The following SETD5 variants were observed in gnomAD, a reference collection of about 807,000 sequenced individuals.
SETD5 encodes histone-lysine N-methyltransferase SETD5.
SETD5 carries 44 observed loss-of-function variants against 153.3 expected under a neutral mutation model. The observed-to-expected ratio is 0.29, with a 90% CI of 0.23 to 0.37. The LOEUF (loss-of-function observed/expected upper bound fraction) is 0.37, where lower values mean the gene tolerates loss of function less well. SETD5 is among the 10% of genes least tolerant of loss of function. The probability of loss-of-function intolerance (pLI) is 1.00; values close to 1 mark genes in which losing one functional copy is unlikely to be tolerated. For synonymous variants in SETD5, 716 were observed against 645.2 expected (o/e 1.11, Z -1.66); for missense variants, 1,544 against 1,768.0 (o/e 0.87, Z 2.27).
chr3:9,413,254 T>G (rs2036867272), intron 1 of SETD5, among the ~76,000 whole-genome samples: 1 of 152,144 alleles, frequency 6.6e-6, no homozygotes, highest in Admixed American at 6.5e-5. Context: ...GAGGGAAATT[T>G]TAATATTATA....
intron 1 of SETD5, among the ~76,000 whole-genome samples, chr3:9,401,503 GAACTGACTT>G (rs1182895518): frequency 6.6e-6 from 1 of 152,104 alleles, no homozygotes; most frequent in Non-Finnish European, 1.5e-5. Flanking sequence ...TTGTGTCCAG[GAACTGACTT>G]TCTGAAATTA....
chr3:9,448,027 T>C (rs765051167), intron 15 of SETD5, 21 bp downstream of exon 15: 2 of 1,600,750 alleles, frequency 1.2e-6, no homozygotes, highest in African/African-American at 2.7e-5. Flanking sequence ...AATGCATCCT[T>C]TATAAGTCCA....
chr3:9,403,434 G>C (rs1439040213), intron 1 of SETD5, among the ~76,000 whole-genome samples: 1 of 152,050 alleles, frequency 6.6e-6, no homozygotes, highest in Non-Finnish European at 1.5e-5. Context: ...TGTTTATTTG[G>C]GTTGGGATTG....
chr3:9,445,177 T>C lies in SETD5; in HGVS notation c.1317T>C (p.Thr439=), dbSNP rs778772011. ...GCCTACCCACCATTGGAGCAGAGACTAGACGTAGAAAAGCACGACGGAAAG... is the reference window on the plus strand; with the variant it reads ...GCCTACCCACCATTGGAGCAGAGACCAGACGTAGAAAAGCACGACGGAAAG... The part of the protein sequence containing the change: ...PPSLPTIGAE[T]RRRKARRKEL... Residue 439 remains threonine, a synonymous_variant, in exon 12 of 23, where the codon ACT becomes ACC. Transcript: ENST00000402198. 2 of 1,613,962 alleles carry C rather than the reference T, an allele frequency of 1.2e-6. No homozygotes were observed. The highest frequency in any genetic ancestry group is 2.2e-5 in the South Asian group (2 of 91,082).
intron 17 of SETD5, among the ~76,000 whole-genome samples, chr3:9,458,273 T>C (rs2043506044): frequency 6.6e-6 from 1 of 152,082 alleles, no homozygotes; most frequent in African/African-American, 2.4e-5. Flanking sequence ...AACTACTAGG[T>C]CCTTTGCCAA....
At chr3:9,445,801 C>T (rs574431222) in intron 13 of SETD5, 61 bp downstream of exon 13, 15 of 1,166,850 alleles carry the variant, frequency 1.3e-5, no homozygotes, top group South Asian at 7.4e-5. Context: ...TCATGTGAAC[C>T]TCTTCTGTTC....
At chr3:9,445,829 C>G in intron 13 of SETD5, 89 bp downstream of exon 13, 1 of 849,000 alleles carries the variant, frequency 1.2e-6, no homozygotes, top group Non-Finnish European at 1.7e-6. Context: ...TTTGTATCAT[C>G]TCATTGATTT....
At chr3:9,462,419 C>T (rs963983469) in intron 17 of SETD5, among the ~76,000 whole-genome samples, 9 of 151,296 alleles carry the variant, frequency 5.9e-5, no homozygotes, top group African/African-American at 2.2e-4. Context: ...AACCCCGTCT[C>T]TACTAAAAAT....
chr3:9,475,535 G>A lies in SETD5; in HGVS notation c.3773G>A (p.Ser1258Asn), dbSNP rs367569965. The change falls in exon 23 of 23, where the codon AGT (serine) becomes AAT (asparagine). Residue 1258 changes from serine to asparagine, a missense_variant. Coordinates refer to ENST00000402198, the MANE Select transcript of SETD5 (RefSeq NM_001080517.3). ...RTESQSLLQQ[S>N]SSPFRGHPTQ... Reference sequence around the variant, plus strand: ...GAATCACAAAGCCTCCTTCAGCAGAGTTCCTCCCCCTTCAGAGGACATCCT... The same window carrying A: ...GAATCACAAAGCCTCCTTCAGCAGAATTCCTCCCCCTTCAGAGGACATCCT... 76 of 1,613,776 alleles carry A rather than the reference G, an allele frequency of 4.7e-5. No homozygotes were observed. The highest frequency in any genetic ancestry group is 5.7e-5 in the Non-Finnish European group (67 of 1,179,890).
intron 14 of SETD5, 71 bp from the exon 15 acceptor site, chr3:9,447,615 A>G: frequency 2.0e-6 from 3 of 1,492,156 alleles, no homozygotes; most frequent in Non-Finnish European, 2.7e-6. Context: ...GAATGCTTAA[A>G]GTGAATAGGA....
chr3:9,418,718 G>T lies in SETD5; in HGVS notation c.-176-5749G>T, dbSNP rs2037922346. Among the ~76,000 whole-genome samples, 3 of 151,508 alleles carry T rather than the reference G, an allele frequency of 2.0e-5. No individual in the cohort carries two copies. The South Asian group carries it at 6.3e-4, about 32-fold the overall frequency. On this transcript the variant is annotated intron_variant, in intron 1 of 22. Coordinates refer to ENST00000402198, the MANE Select transcript of SETD5 (RefSeq NM_001080517.3). ...CTCAGGAGGCTGAGACAAGAGAATT[G>T]CTTGAACCCGGGAGGTGGAGGTTGC... is the stretch of plus-strand genomic sequence containing the variant.
chr3:9,447,657 G>A, intron 14 of SETD5, 29 bp from the exon 15 acceptor site: 1 of 1,565,420 alleles, frequency 6.4e-7, no homozygotes, highest in Non-Finnish European at 8.7e-7. Flanking sequence ...AACATTTCTG[G>A]TAAGCATCTG....
At chr3:9,431,987 CTT>C (rs2040019156) in intron 3 of SETD5, 1 of 153,426 alleles carries the variant, frequency 6.5e-6, no homozygotes, top group African/African-American at 2.4e-5. Context: ...AAATTTATTA[CTT>C]TCTTTTAACT....
rs372152804 is a variant in SETD5 at position 9,475,615 on chromosome 3, C to T, written c.3853C>T (p.Pro1285Ser). Residue 1285 changes from proline (P) to serine (S), a missense_variant, in exon 23 of 23, where the codon CCC becomes TCC. Transcript: ENST00000402198. ...TACTGCACTGAGACCTGGAAACCCCCCCTCTCACGGTTCTTCAGAATCATC... is the reference window on the plus strand; with the variant it reads ...TACTGCACTGAGACCTGGAAACCCCTCCTCTCACGGTTCTTCAGAATCATC... ...RTTALRPGNPPSHGSSESSLS... is the reference protein window; with the variant it reads ...RTTALRPGNPSSHGSSESSLS... The T allele has an allele frequency of 6.2e-7, 1 of 1,613,842 alleles. No individual in the cohort carries two copies. Among genetic ancestry groups the T allele is most frequent in the African/African-American group, 1.3e-5 (1 of 74,902 alleles).
chr3:9,477,579 C>T lies in SETD5; in HGVS notation c.*1488C>T, dbSNP rs2045918705. The T allele has an allele frequency of 6.6e-6, 1 of 152,430 alleles. No homozygotes were observed. The allele number at this position is 152,430 out of a possible 1,614,324, so 9.4% of individuals were successfully genotyped here. A position where few individuals can be genotyped will look rare whatever the true frequency, so the allele number is the denominator to read the frequency against. ...TGCATCCCCTTCTTTTCTACCCTGTCCTACAACTATCATATGCACAGTCTT... is the reference window on the plus strand; with the variant it reads ...TGCATCCCCTTCTTTTCTACCCTGTTCTACAACTATCATATGCACAGTCTT... On this transcript the variant is annotated 3_prime_UTR_variant, in exon 23 of 23. Transcript: ENST00000402198.
At chr3:9,460,988 A>G (rs1439472519) in intron 17 of SETD5, among the ~76,000 whole-genome samples, 1 of 152,220 alleles carries the variant, frequency 6.6e-6, no homozygotes, top group Non-Finnish European at 1.5e-5. Flanking sequence ...GAAACAAAAC[A>G]TATAGCAGAG....
chr3:9,464,886 A>G, intron 18 of SETD5: 1 of 614,238 alleles, frequency 1.6e-6, no homozygotes, highest in South Asian at 2.0e-5. Flanking sequence ...TACTGCTACC[A>G]CAAATCCCAT....
intron 16 of SETD5, among the ~76,000 whole-genome samples, chr3:9,449,139 GT>G (rs1559440611): frequency 6.6e-6 from 1 of 152,188 alleles, no homozygotes; most frequent in African/African-American, 2.4e-5. Flanking sequence ...CATAATTCCT[GT>G]TCCTTGATCA....
intron 16 of SETD5, 87 bp from the exon 17 acceptor site, chr3:9,453,652 C>T (rs1014012293): frequency 7.9e-7 from 1 of 1,269,782 alleles, no homozygotes; most frequent in Admixed American, 2.6e-5. Context: ...TGAATTGTAT[C>T]ACTCACCAGT....
Sources: gnomAD v4.1 joint callset for allele counts (sites outside exome capture counted in the v4.1 genomes callset) on GRCh38, gnomAD v4.1.1 for gene constraint, MANE v1.5 for transcripts, NCBI Gene and HGNC (gene_info 2026-07-23, HGNC 2026-07-21) for gene names.